CADM2: variants seen among roughly 807,000 people sequenced by gnomAD.
The protein encoded by CADM2 is immunoglobulin superfamily member 4D.
Under a neutral mutation model 49.8 loss-of-function variants are expected in CADM2, and 12 were observed. The observed-to-expected ratio is 0.24, with a 90% CI of 0.15 to 0.39. CADM2 has a LOEUF of 0.39. Among genes scored for constraint, CADM2 ranks in the 10% least tolerant of loss-of-function variants. The pLI, the probability that CADM2 is intolerant of heterozygous loss-of-function variation, is 1.00. For synonymous variants in CADM2, 214 were observed against 175.4 expected, an observed-to-expected ratio of 1.22 and a Z score of -1.74; for missense variants, 378 against 492.3, an observed-to-expected ratio of 0.77 and a Z score of 2.20.
At chr3:85,062,558 T>C (rs1036524927) in intron 1 of CADM2, among the ~76,000 whole-genome samples, 5 of 151,950 alleles carry the variant, frequency 3.3e-5, no homozygotes, top group African/African-American at 9.7e-5. Flanking sequence ...TAAAAATAAT[T>C]TTTAAAATTT....
rs75951646 is a variant in CADM2, at chr3:85,264,361, G to C, written c.61+304693G>C. On this transcript the variant is annotated intron_variant, in intron 1 of 9. Transcript: ENST00000383699. ...CATTTTAACTTTATTCCTTCCATAG[G>C]TTATTGCTTTACAAATGTTTTATGC... 2.0e-5 allele frequency among the ~76,000 whole-genome samples: 3 copies of C among 151,990 alleles called. No homozygotes were observed. The East Asian group carries it at 5.8e-4, about 29-fold the overall frequency.
chr3:85,025,171 A>T (rs927400594), intron 1 of CADM2, among the ~76,000 whole-genome samples: 1 of 152,266 alleles, frequency 6.6e-6, no homozygotes, highest in Non-Finnish European at 1.5e-5. Flanking sequence ...ACCATGAGGT[A>T]ATTTATGTCA....
At chr3:84,966,966 C>A (rs913643744) in intron 1 of CADM2, among the ~76,000 whole-genome samples, 4 of 151,776 alleles carry the variant, frequency 2.6e-5, no homozygotes, top group Non-Finnish European at 2.9e-5. Context: ...TAAATGTGAT[C>A]AAATAGTGCA....
chr3:85,912,316 T>G, intron 5 of CADM2, 57 bp from the exon 6 acceptor site: 1 of 1,311,270 alleles, frequency 7.6e-7, no homozygotes, highest in Admixed American at 2.2e-5. Flanking sequence ...CTTGAGTAAA[T>G]GCAATCTGTT....
chr3:85,151,247 T>G (rs919106643), intron 1 of CADM2, among the ~76,000 whole-genome samples: 4 of 152,136 alleles, frequency 2.6e-5, no homozygotes, highest in African/African-American at 9.7e-5. Flanking sequence ...TGGGCTTTTC[T>G]TTACTATATT....
At chr3:84,983,334 TCTC>T (rs2032327615) in intron 1 of CADM2, among the ~76,000 whole-genome samples, 1 of 151,624 alleles carries the variant, frequency 6.6e-6, no homozygotes, top group East Asian at 1.9e-4. Flanking sequence ...TTTGTTTTCT[TCTC>T]CTGGAGATTT....
At chr3:85,273,363 AAC>A (rs1334391617) in intron 1 of CADM2, among the ~76,000 whole-genome samples, 6 of 151,332 alleles carry the variant, frequency 4.0e-5, no homozygotes, top group African/African-American at 7.3e-5. Flanking sequence ...TTTTGACAAT[AAC>A]ACTCTGGAAG....
At chr3:85,801,516 T>C (rs1197191554) in intron 2 of CADM2, among the ~76,000 whole-genome samples, 1 of 152,142 alleles carries the variant, frequency 6.6e-6, no homozygotes, top group Non-Finnish European at 1.5e-5. Flanking sequence ...TAAAAAGAGC[T>C]AAATCTACAA....
At chr3:85,345,143 T>C (rs531875599) in intron 1 of CADM2, among the ~76,000 whole-genome samples, 1 of 151,580 alleles carries the variant, frequency 6.6e-6, no homozygotes, top group South Asian at 2.1e-4. Flanking sequence ...TGCAAAGTCT[T>C]GTCTCTACTA....
intron 2 of CADM2, among the ~76,000 whole-genome samples, chr3:85,787,792 A>G (rs528566965): frequency 6.6e-6 from 1 of 152,152 alleles, no homozygotes; most frequent in South Asian, 2.1e-4. Context: ...TAAGCTCCTT[A>G]TTATAACCTA....
At chr3:85,726,621 GAT>G (rs1156752902) in intron 2 of CADM2, 73 bp downstream of exon 2, 1 of 1,199,750 alleles carries the variant, frequency 8.3e-7, no homozygotes, top group East Asian at 2.3e-5. Context: ...TCTCTTAAAT[GAT>G]AGAACCAATT....
At position 85,106,414 on chromosome 3, in the gene CADM2, T is replaced by C. The variant is rs1191935270; in HGVS notation, c.61+146746T>C. On this transcript the variant is annotated intron_variant, in intron 1 of 9. Coordinates refer to ENST00000383699, the MANE Select transcript of CADM2 (RefSeq NM_001167675.2). ...CTTTCTTCCATTTGTAGCATCCACC[T>C]GGTTTGAAGTGTTAGTGAACCATTC... Among the ~76,000 whole-genome samples, 4 of 152,122 alleles carry C rather than the reference T, an allele frequency of 2.6e-5. No individual in the cohort carries two copies. The East Asian group carries it at 7.7e-4, about 29-fold the overall frequency.
In CADM2 at chr3:85,979,400, A is replaced by G. The variant is rs139601759; in HGVS notation, c.970+17753A>G. 6.4e-4 allele frequency: 767 copies of G among 1,202,618 alleles called. 3 individuals carry two copies. The African/African-American group carries it at 7.6e-3, about 12-fold the overall frequency. The allele number at this position is 1,202,618 out of a possible 1,614,324, so 74.5% of individuals were successfully genotyped here. A position where few individuals can be genotyped will look rare whatever the true frequency, so the allele number is the denominator to read the frequency against. On this transcript the variant is annotated intron_variant, in intron 8 of 9. Coordinates refer to ENST00000383699, the MANE Select transcript of CADM2 (RefSeq NM_001167675.2). ...TTTACTTAATTATGAGAAGTAATTAAGTCACCTAAATTGCTATCAATTAGG... is the reference window on the plus strand; with the variant it reads ...TTTACTTAATTATGAGAAGTAATTAGGTCACCTAAATTGCTATCAATTAGG...
intron 1 of CADM2, among the ~76,000 whole-genome samples, chr3:84,966,450 T>C (rs2030988097): frequency 6.6e-6 from 1 of 152,100 alleles, no homozygotes; most frequent in South Asian, 2.1e-4. Context: ...TCTTTTACTC[T>C]TTCAATTAAG....
chr3:85,996,108 T>A (rs927521011), intron 8 of CADM2, among the ~76,000 whole-genome samples: 13 of 149,592 alleles, frequency 8.7e-5, no homozygotes, highest in South Asian at 6.3e-4. Context: ...AAATAAAAAA[T>A]AAAAATAAAA....
At chr3:85,233,325 G>A (rs368161140) in intron 1 of CADM2, among the ~76,000 whole-genome samples, 10 of 152,058 alleles carry the variant, frequency 6.6e-5, no homozygotes, top group African/African-American at 2.4e-4. Flanking sequence ...GTGATATTAT[G>A]CATTTGTCAG....
chr3:85,468,224 C>T (rs1231632680), intron 1 of CADM2, among the ~76,000 whole-genome samples: 1 of 149,032 alleles, frequency 6.7e-6, no homozygotes, highest in Non-Finnish European at 1.5e-5. Flanking sequence ...GCTGAGACCA[C>T]TGTCTGTTGT....
intron 1 of CADM2, among the ~76,000 whole-genome samples, chr3:85,040,188 T>G (rs1240258626): frequency 6.6e-6 from 1 of 152,164 alleles, no homozygotes; most frequent in Non-Finnish European, 1.5e-5. Context: ...CGTTTTAGGT[T>G]TCCATTCTTT....
At chr3:85,487,821 A>G (rs1044508289) in intron 1 of CADM2, among the ~76,000 whole-genome samples, 2 of 152,016 alleles carry the variant, frequency 1.3e-5, no homozygotes, top group Non-Finnish European at 2.9e-5. Context: ...GGAACCATGC[A>G]TTTAATGCCT....
Sources: allele counts gnomAD v4.1 joint callset (sites outside exome capture counted in the v4.1 genomes callset), GRCh38; gene constraint gnomAD v4.1.1; transcripts MANE v1.5; gene names NCBI Gene and HGNC (gene_info 2026-07-23, HGNC 2026-07-21).